The following TRPS1 variants were observed in gnomAD, a reference collection of about 807,000 sequenced individuals.
TRPS1 encodes zinc finger transcription factor Trps1.
Under a neutral mutation model 101.2 loss-of-function variants are expected in TRPS1, and 6 were observed. The ratio of observed to expected loss-of-function variants is 0.06; its 90% CI spans 0.03 to 0.12. TRPS1 has a LOEUF of 0.12. Among genes scored for constraint, TRPS1 ranks in the 10% least tolerant of loss-of-function variants. The pLI, the probability that TRPS1 is intolerant of heterozygous loss-of-function variation, is 1.00. For missense variants in TRPS1, 1,363 were observed against 1,567.0 expected, an observed-to-expected ratio of 0.87 and a Z score of 2.20; for synonymous variants, 578 against 589.8, an observed-to-expected ratio of 0.98 and a Z score of 0.29.
chr8:115,528,908 G>T (rs1038561837), intron 5 of TRPS1, among the ~76,000 whole-genome samples: 1 of 151,928 alleles, frequency 6.6e-6, no homozygotes, highest in Non-Finnish European at 1.5e-5. Flanking sequence ...AGGTCAACTA[G>T]AATAGAATCA....
chr8:115,591,154 GC>G (rs759099243), intron 4 of TRPS1, among the ~76,000 whole-genome samples: 10 of 152,126 alleles, frequency 6.6e-5, no homozygotes, highest in Non-Finnish European at 1.2e-4. Context: ...AGCAGTCAGA[GC>G]CAGTATCTTC....
At chr8:115,505,225 G>C (rs1025603450) in intron 5 of TRPS1, among the ~76,000 whole-genome samples, 2 of 152,080 alleles carry the variant, frequency 1.3e-5, no homozygotes, top group Non-Finnish European at 2.9e-5. Context: ...GAAATATAAA[G>C]CTGTCTACAC....
chr8:115,656,221 T>G (rs1168029956), intron 1 of TRPS1, among the ~76,000 whole-genome samples: 2 of 152,186 alleles, frequency 1.3e-5, no homozygotes, highest in African/African-American at 4.8e-5. Context: ...CTTTTTACAG[T>G]AGCAGCTTAT....
intron 5 of TRPS1, among the ~76,000 whole-genome samples, chr8:115,530,674 C>T (rs1174924206): frequency 4.6e-5 from 7 of 152,074 alleles, no homozygotes; most frequent in African/African-American, 1.7e-4. Context: ...AGACTTGGAA[C>T]CAACCCAAAT....
At chr8:115,456,261 A>T (rs758377734) in intron 5 of TRPS1, among the ~76,000 whole-genome samples, 6 of 152,102 alleles carry the variant, frequency 3.9e-5, no homozygotes, top group Non-Finnish European at 8.8e-5. Context: ...CGTGTCAAGA[A>T]CCTCTGTATA....
chr8:115,503,428 T>A (rs988554706), intron 5 of TRPS1, among the ~76,000 whole-genome samples: 11 of 152,164 alleles, frequency 7.2e-5, no homozygotes, highest in Non-Finnish European at 1.3e-4. Context: ...TGGGTAAGGC[T>A]ATCTTGATTT....
At chr8:115,668,495 G>GC (rs1320374267) in intron 1 of TRPS1, 50 bp downstream of exon 1, 2 of 140,622 alleles carry the variant, frequency 1.4e-5, no homozygotes, top group African/African-American at 5.1e-5. Flanking sequence ...CGCCCCCCGC[G>GC]CCCCCCGCAG....
chr8:115,621,789 G>T (rs1041536047), intron 2 of TRPS1, among the ~76,000 whole-genome samples: 2 of 151,938 alleles, frequency 1.3e-5, no homozygotes, highest in African/African-American at 4.8e-5. Context: ...GGTGGTGCAT[G>T]CCTGTAATCC....
intron 1 of TRPS1, among the ~76,000 whole-genome samples, chr8:115,654,162 A>C (rs1242474213): frequency 6.6e-6 from 1 of 152,230 alleles, no homozygotes; most frequent in Non-Finnish European, 1.5e-5. Context: ...GATTAAAATT[A>C]GCTTAACTAT....
At chr8:115,504,982 C>A (rs1815406248) in intron 5 of TRPS1, among the ~76,000 whole-genome samples, 1 of 151,902 alleles carries the variant, frequency 6.6e-6, no homozygotes, top group South Asian at 2.1e-4. Flanking sequence ...GCATATATAT[C>A]TTCATATTCA....
chr8:115,653,383 T>C (rs910349333), intron 1 of TRPS1, among the ~76,000 whole-genome samples: 10 of 152,178 alleles, frequency 6.6e-5, no homozygotes, highest in Non-Finnish European at 1.0e-4. Context: ...GTAATAATAA[T>C]GGAAGTTTTC....
intron 5 of TRPS1, among the ~76,000 whole-genome samples, chr8:115,519,789 G>C (rs1165802260): frequency 2.0e-5 from 3 of 151,518 alleles, no homozygotes; most frequent in Non-Finnish European, 4.4e-5. Flanking sequence ...AAAAACATAA[G>C]ATTACAGAGT....
intron 1 of TRPS1, among the ~76,000 whole-genome samples, chr8:115,625,444 GCACTGAAAGACTATAGAA>G (rs1438540065): frequency 7.3e-5 from 11 of 151,658 alleles, no homozygotes; most frequent in Admixed American, 6.6e-5. Flanking sequence ...TTGCCCAATT[GCACTGAAAGACTATAGAA>G]CAGCAAACCA....
chr8:115,650,310 C>A (rs1462693187), intron 1 of TRPS1, among the ~76,000 whole-genome samples: 1 of 152,152 alleles, frequency 6.6e-6, no homozygotes, highest in African/African-American at 2.4e-5. Context: ...TGGTATAATG[C>A]AATTAGCTAA....
chr8:115,463,355 AC>A (rs1814236660), intron 5 of TRPS1, among the ~76,000 whole-genome samples: 1 of 152,190 alleles, frequency 6.6e-6, no homozygotes, highest in South Asian at 2.1e-4. Context: ...AGAAATGTTC[AC>A]CCTTTTCTGA....
chr8:115,619,338 T>C lies in TRPS1; in HGVS notation c.760A>G (p.Lys254Glu), dbSNP rs1180982388. Residue 254 changes from lysine to glutamate, a missense_variant, in exon 3 of 7, where the codon AAG becomes GAG. Coordinates refer to ENST00000395715, the MANE Select transcript of TRPS1 (RefSeq NM_014112.5). ...CCTAAGTGATACTTTCGGAAGTGCTTAATCAGATCTGTGGGGTCGTTGCCG... is the reference window on the plus strand; with the variant it reads ...CCTAAGTGATACTTTCGGAAGTGCTCAATCAGATCTGTGGGGTCGTTGCCG... ...YYGNDPTDLI[K>E]HFRKYHLGLH... 6.2e-7 allele frequency: 1 copy of C among 1,614,104 alleles called. No individual in the cohort carries two copies. Among genetic ancestry groups the C allele is most frequent in the Non-Finnish European group, 8.5e-7 (1 of 1,180,058 alleles).
intron 5 of TRPS1, among the ~76,000 whole-genome samples, chr8:115,575,095 C>G (rs1237668077): frequency 1.3e-5 from 2 of 152,112 alleles, no homozygotes; most frequent in African/African-American, 4.8e-5. Flanking sequence ...AGGAGCCTGA[C>G]TGTTGGGACG....
intron 5 of TRPS1, among the ~76,000 whole-genome samples, chr8:115,429,837 G>A (rs1448080926): frequency 6.6e-6 from 1 of 151,860 alleles, no homozygotes; most frequent in African/African-American, 2.4e-5. Flanking sequence ...ACACAATCTC[G>A]GCAAAAGACG....
At chr8:115,559,753 T>G (rs1291514396) in intron 5 of TRPS1, among the ~76,000 whole-genome samples, 1 of 152,130 alleles carries the variant, frequency 6.6e-6, no homozygotes, top group Non-Finnish European at 1.5e-5. Context: ...AAATGTCAAA[T>G]TCCTGTAAAA....
Sources: gnomAD v4.1 joint callset for allele counts (sites outside exome capture counted in the v4.1 genomes callset) on GRCh38, gnomAD v4.1.1 for gene constraint, MANE v1.5 for transcripts, NCBI Gene and HGNC (gene_info 2026-07-23, HGNC 2026-07-21) for gene names.